Variants in ZNF880 observed in about 807,000 individuals in gnomAD.
ZNF880 encodes the protein zinc finger protein 880, also known as zinc finger protein LOC400713.
Under a neutral mutation model 11.8 loss-of-function variants are expected in ZNF880, and 12 were observed. The ratio of observed to expected loss-of-function variants is 1.02; its 90% CI spans 0.65 to 1.65. The LOEUF (loss-of-function observed/expected upper bound fraction) is 1.65, where lower values mean the gene tolerates loss of function less well. Among genes scored for constraint, ZNF880 ranks in the 40% most tolerant of loss-of-function variants. The pLI, the probability that ZNF880 is intolerant of heterozygous loss-of-function variation, is 0.00. For missense variants in ZNF880, 601 were observed against 673.9 expected, an observed-to-expected ratio of 0.89 and a Z score of 1.20; for synonymous variants, 210 against 232.4, an observed-to-expected ratio of 0.90 and a Z score of 0.88.
chr19:52,371,511 G>T (rs1908306888), intron 1 of ZNF880, among the ~76,000 whole-genome samples: 1 of 152,086 alleles, frequency 6.6e-6, no homozygotes, highest in Non-Finnish European at 1.5e-5. Context: ...AAGTAGCTGG[G>T]ATTACAGGTG....
upstream of ZNF880, among the ~76,000 whole-genome samples, chr19:52,368,656 A>G (rs1388245427): frequency 1.3e-5 from 2 of 152,166 alleles, no homozygotes; most frequent in Non-Finnish European, 2.9e-5. Flanking sequence ...AAACTTAGTT[A>G]CAATTCACAC....
At chr19:52,376,270 C>T (rs1394924402) in intron 3 of ZNF880, among the ~76,000 whole-genome samples, 2 of 152,094 alleles carry the variant, frequency 1.3e-5, no homozygotes, top group African/African-American at 4.8e-5. Flanking sequence ...GTACTAGTTT[C>T]CATTCCCACC....
In ZNF880 at chr19:52,374,327, C is replaced by G; in HGVS notation, c.168C>G (p.Ile56Met). 2.5e-6 allele frequency: 4 copies of G among 1,613,070 alleles called. No individual in the cohort carries two copies. Among genetic ancestry groups the G allele is most frequent in the East Asian group, 2.2e-5 (1 of 44,840 alleles). ...LGICLPDLSV[I>M]SMLEQRRDPR... ...TCTGTCTTCCTGACCTGAGTGTTAT[C>G]TCCATGTTGGAGCAAAGGAGAGATC... Residue 56 changes from isoleucine to methionine, a missense_variant, in exon 3 of 4, where the codon ATC (isoleucine) becomes ATG (methionine). By Grantham distance (10) the Ile-to-Met change is conservative. This residue lies in a region of ZNF880 where 420 missense variants were observed against 442.6 expected (regional missense o/e 0.95). Coordinates refer to ENST00000422689, the MANE Select transcript of ZNF880 (RefSeq NM_001145434.2).
At chr19:52,386,123 T>G (rs1986879347), downstream of ZNF880, among the ~76,000 whole-genome samples, 2 of 128,172 alleles carry the variant, frequency 1.6e-5, 1 homozygote, top group Non-Finnish European at 3.2e-5. Flanking sequence ...TGCAGTGAGC[T>G]ATCACGCCAC....
At chr19:52,386,716 C>T (rs891423173), downstream of ZNF880, among the ~76,000 whole-genome samples, 5 of 137,382 alleles carry the variant, frequency 3.6e-5, 1 homozygote, top group Non-Finnish European at 6.2e-5. Context: ...GCAGGAGAAT[C>T]GCTTGAACCC....
intron 3 of ZNF880, among the ~76,000 whole-genome samples, chr19:52,377,170 T>C (rs1986579883): frequency 6.6e-6 from 1 of 152,160 alleles, no homozygotes; most frequent in Non-Finnish European, 1.5e-5. Flanking sequence ...ACCTGCCTCC[T>C]TGACCTGTGT....
chr19:52,388,382 A>T (rs377430953), downstream of ZNF880, among the ~76,000 whole-genome samples: 10 of 139,174 alleles, frequency 7.2e-5, no homozygotes, highest in African/African-American at 2.8e-4. Flanking sequence ...TCCCGGGTTC[A>T]AACGGCTGCC....
intron 3 of ZNF880, chr19:52,380,008 G>A (rs1348529564): frequency 6.6e-6 from 1 of 151,710 alleles, no homozygotes; most frequent in African/African-American, 2.4e-5. Flanking sequence ...AGTGATTCTT[G>A]TACCTCAGCC....
chr19:52,393,648 T>C, the ZNF880 span, among the ~76,000 whole-genome samples: 3 of 152,120 alleles, frequency 2.0e-5, no homozygotes, highest in African/African-American at 7.2e-5. Context: ...AATGCCTTAA[T>C]TAGGAAAGGT....
intron 3 of ZNF880, among the ~76,000 whole-genome samples, chr19:52,382,271 T>C (rs576288181): frequency 1.3e-5 from 2 of 152,188 alleles, no homozygotes; most frequent in Admixed American, 1.3e-4. Context: ...AGCAAGACTC[T>C]GTCTCAAAAA....
the ZNF880 span, chr19:52,397,647 C>A: frequency 6.6e-6 from 1 of 151,692 alleles, no homozygotes; most frequent in African/African-American, 2.4e-5. Flanking sequence ...TAATCTACAA[C>A]CGATTTTGCT....
the ZNF880 span, chr19:52,391,680 GA>G: frequency 6.6e-6 from 1 of 152,136 alleles, no homozygotes; most frequent in Non-Finnish European, 1.5e-5. Context: ...TACAGATGAA[GA>G]TGAGAATTGG....
At position 52,369,980 on chromosome 19, in the gene ZNF880, G is replaced by C; in HGVS notation, c.12+3G>C. The C allele has an allele frequency of 6.4e-7, 1 of 1,551,638 alleles. No homozygotes were observed. The highest frequency in any genetic ancestry group is 8.7e-7 in the Non-Finnish European group (1 of 1,146,992). Reference sequence around the variant, plus strand: ...GAGTGACGGTCATGCTGCGGCGTGTGAGTTTCCCTTTGTTTAGATTAAATC... The same window carrying C: ...GAGTGACGGTCATGCTGCGGCGTGTCAGTTTCCCTTTGTTTAGATTAAATC... On this transcript the variant is annotated splice_donor_region_variant and intron_variant, in intron 1 of 3. Transcript: ENST00000422689.
At chr19:52,388,032 A>G (rs1986935024), downstream of ZNF880, among the ~76,000 whole-genome samples, 1 of 136,810 alleles carries the variant, frequency 7.3e-6, no homozygotes. Flanking sequence ...GGCGCGCACC[A>G]CCACGCCCGG....
intron 1 of ZNF880, chr19:52,370,472 T>G (rs997210477): frequency 1.9e-5 from 3 of 159,036 alleles, no homozygotes; most frequent in African/African-American, 7.2e-5. Context: ...AGTGCAAAAG[T>G]AATGGCAAAC....
intron 2 of ZNF880, among the ~76,000 whole-genome samples, 186 bp downstream of exon 2, chr19:52,373,423 A>G (rs1466765691): frequency 6.6e-6 from 1 of 152,132 alleles, no homozygotes; most frequent in Admixed American, 6.6e-5. Flanking sequence ...AAGCTCCATA[A>G]TACTTTCTGG....
the ZNF880 span, chr19:52,392,781 G>C: frequency 4.5e-6 from 1 of 224,404 alleles, no homozygotes; most frequent in African/African-American, 2.3e-5. Flanking sequence ...TCAAAGGTGT[G>C]AACACAGGTA....
chr19:52,378,415 C>A (rs1375676640), intron 3 of ZNF880, among the ~76,000 whole-genome samples: 1 of 151,608 alleles, frequency 6.6e-6, no homozygotes, highest in Admixed American at 6.6e-5. Flanking sequence ...GAGGCTAGGG[C>A]AGGCGGATCA....
At chr19:52,368,220 ATAAT>A (rs200415344), upstream of ZNF880, among the ~76,000 whole-genome samples, 21,789 of 57,542 alleles carry the variant, frequency 0.38, 2,072 homozygotes, top group African/African-American at 0.5. Flanking sequence ...AAAAAAAATA[ATAAT>A]AATACTGTAA....
Sources: allele counts gnomAD v4.1 joint callset (sites outside exome capture counted in the v4.1 genomes callset), GRCh38; gene constraint gnomAD v4.1.1; regional missense constraint gnomAD v4.1.1; transcripts MANE v1.5; gene names NCBI Gene and HGNC (gene_info 2026-07-23, HGNC 2026-07-21).